Variants in KIF27 observed in about 807,000 individuals in gnomAD.
KIF27 encodes the protein kinesin family member 27.
A neutral mutation model predicts 141.8 loss-of-function variants in KIF27; 84 were observed. The ratio of observed to expected loss-of-function variants is 0.59; its 90% CI spans 0.50 to 0.71. The LOEUF is 0.71. KIF27 is among the 30% of genes least tolerant of loss of function. The pLI, the probability that KIF27 is intolerant of heterozygous loss-of-function variation, is 0.00. For missense variants in KIF27, 1,306 were observed against 1,628.4 expected (o/e 0.80, Z 3.41); for synonymous variants, 471 against 569.5 (o/e 0.83, Z 2.46).
At chr9:83,875,815 G>T (rs1189447196) in intron 11 of KIF27, among the ~76,000 whole-genome samples, 2 of 152,164 alleles carry the variant, frequency 1.3e-5, no homozygotes, top group Non-Finnish European at 2.9e-5. Context: ...TGTGAAGTGG[G>T]TGATAGAGCC....
chr9:83,869,713 C>T (rs574254579), intron 12 of KIF27, among the ~76,000 whole-genome samples: 62 of 151,944 alleles, frequency 4.1e-4, no homozygotes, highest in African/African-American at 1.5e-3. Flanking sequence ...GGTGACAGAG[C>T]GAGACTCTGT....
intron 1 of KIF27, among the ~76,000 whole-genome samples, chr9:83,918,222 C>G (rs1955887768): frequency 6.7e-6 from 1 of 149,844 alleles, no homozygotes; most frequent in African/African-American, 2.5e-5. Context: ...TTACAGTGAG[C>G]TGTATCTGCA....
chr9:83,873,083 T>C (rs1950927957), intron 11 of KIF27, among the ~76,000 whole-genome samples: 1 of 152,194 alleles, frequency 6.6e-6, no homozygotes, highest in African/African-American at 2.4e-5. Context: ...CTAGACAGAA[T>C]GCCTAGTAGC....
intron 1 of KIF27, among the ~76,000 whole-genome samples, chr9:83,917,782 T>C (rs1955843367): frequency 6.6e-6 from 1 of 152,170 alleles, no homozygotes; most frequent in South Asian, 2.1e-4. Flanking sequence ...CCTCATATCA[T>C]ATACAAAAGT....
chr9:83,885,554 C>T (rs1332614474), intron 9 of KIF27, among the ~76,000 whole-genome samples: 1 of 152,066 alleles, frequency 6.6e-6, no homozygotes, highest in Non-Finnish European at 1.5e-5. Flanking sequence ...TTTAACAAAT[C>T]ATTTTGGACT....
At chr9:83,915,197 A>G in intron 2 of KIF27, 97 bp downstream of exon 2, 4 of 925,568 alleles carry the variant, frequency 4.3e-6, no homozygotes, top group Non-Finnish European at 6.5e-6. Context: ...TCACTATTCA[A>G]TCAATATGCT....
intron 11 of KIF27, among the ~76,000 whole-genome samples, chr9:83,875,071 A>G (rs1448701278): frequency 2.0e-5 from 3 of 152,092 alleles, no homozygotes; most frequent in East Asian, 3.9e-4. Flanking sequence ...AGAGAGTGCT[A>G]TGTCTTGCTG....
intron 17 of KIF27, among the ~76,000 whole-genome samples, chr9:83,839,075 G>A (rs1946256894): frequency 6.6e-6 from 1 of 152,038 alleles, no homozygotes; most frequent in African/African-American, 2.4e-5. Flanking sequence ...TGGGAGGATT[G>A]CTCAAGCACA....
chr9:83,892,922 G>A (rs1952818037), intron 5 of KIF27, among the ~76,000 whole-genome samples: 2 of 152,288 alleles, frequency 1.3e-5, no homozygotes, highest in Middle Eastern at 3.4e-3. Context: ...GCACTTCAGG[G>A]AGAAATAAGA....
In KIF27 at chr9:83,834,497, G is replaced by C. The variant is rs2780130; in HGVS notation, c.*2504C>G. On this transcript the variant is annotated 3_prime_UTR_variant, in exon 18 of 18. Coordinates refer to ENST00000297814, the MANE Select transcript of KIF27 (RefSeq NM_017576.4). ...TTAGAAATCAACTCACAATTGCATAGTCAAACCTAATCATTGTTGTTTTGA... is the reference window on the plus strand; with the variant it reads ...TTAGAAATCAACTCACAATTGCATACTCAAACCTAATCATTGTTGTTTTGA... Among the ~76,000 whole-genome samples the C allele has an allele frequency of 6.6e-6, 1 of 152,036 alleles. No individual in the cohort carries two copies. The highest frequency in any genetic ancestry group is 1.9e-4 in the East Asian group (1 of 5,204).
intron 8 of KIF27, among the ~76,000 whole-genome samples, chr9:83,888,243 T>C (rs1428512010): frequency 6.6e-6 from 1 of 151,010 alleles, no homozygotes; most frequent in African/African-American, 2.4e-5. Flanking sequence ...ATAAAAATCC[T>C]TATTCTGAGG....
At chr9:83,844,922 C>A (rs999686934) in intron 16 of KIF27, among the ~76,000 whole-genome samples, 3 of 152,132 alleles carry the variant, frequency 2.0e-5, no homozygotes, top group Non-Finnish European at 2.9e-5. Flanking sequence ...CAGCACATTC[C>A]TCATTTGGGT....
At chr9:83,842,005 C>T (rs1424176551) in intron 17 of KIF27, among the ~76,000 whole-genome samples, 3 of 152,092 alleles carry the variant, frequency 2.0e-5, no homozygotes, top group Non-Finnish European at 4.4e-5. Flanking sequence ...TCTACAAGCC[C>T]CTGGCACATG....
intron 1 of KIF27, among the ~76,000 whole-genome samples, chr9:83,916,537 T>C (rs1419791656): frequency 6.6e-6 from 1 of 152,218 alleles, no homozygotes. Flanking sequence ...TTCTAAATAT[T>C]ATGTTGTACT....
At position 83,859,230 on chromosome 9, in the gene KIF27, C is replaced by T. The variant is rs1260831650; in HGVS notation, c.3076G>A (p.Glu1026Lys). The T allele has an allele frequency of 1.2e-6, 2 of 1,614,074 alleles. No homozygotes were observed. Among genetic ancestry groups the T allele is most frequent in the African/African-American group, 2.7e-5 (2 of 74,942 alleles). Residue 1026 changes from glutamate to lysine, a missense_variant, in exon 14 of 18, where the codon GAA becomes AAA. Transcript: ENST00000297814. ...ISEQVEVLQK[E>K]KDQLQKRRHN... Reference sequence around the variant, plus strand: ...CTGCGTTTCTGGAGCTGATCCTTTTCTTTCTGGAGGACTTCAACTTGTTCT... The same window carrying T: ...CTGCGTTTCTGGAGCTGATCCTTTTTTTTCTGGAGGACTTCAACTTGTTCT...
At chr9:83,879,090 A>C (rs1004043776) in intron 11 of KIF27, among the ~76,000 whole-genome samples, 2 of 151,436 alleles carry the variant, frequency 1.3e-5, no homozygotes, top group Admixed American at 1.3e-4. Flanking sequence ...AGGCAGGAGA[A>C]TCACTTGAAC....
Position 83,887,106 on chromosome 9 carries a change from T to C in KIF27, c.2174A>G (p.Lys725Arg), listed in dbSNP as rs769282175. Residue 725 changes from lysine to arginine, a missense_variant, in exon 9 of 18, where the codon AAA (lysine) becomes AGA (arginine). Coordinates refer to ENST00000297814, the MANE Select transcript of KIF27 (RefSeq NM_017576.4). ...SERILTEAKQ[K>R]MRELTINIKM... is the part of the protein sequence containing the mutation. ...GATGTTAATTGTAAGTTCTCTCATT[T>C]TTTGTTTAGCTTCAGTAAGTATGCG... The C allele has an allele frequency of 1.2e-6, 2 of 1,605,962 alleles. No homozygotes were observed. The highest frequency in any genetic ancestry group is 1.1e-5 in the South Asian group (1 of 88,876).
At chr9:83,885,384 T>C (rs1163828479) in intron 9 of KIF27, among the ~76,000 whole-genome samples, 1 of 152,156 alleles carries the variant, frequency 6.6e-6, no homozygotes, top group Non-Finnish European at 1.5e-5. Flanking sequence ...TGAGCCACCG[T>C]GCCCAGCCTA....
At position 83,837,099 on chromosome 9, in the gene KIF27, C is replaced by G; in HGVS notation, c.4108G>C (p.Glu1370Gln). 1 of 1,613,958 alleles carries G rather than the reference C, an allele frequency of 6.2e-7. No homozygotes were observed. ...AGACTGGAACGTCGCAATGATAGTT[C>G]CAAGGCGGAAATTTGACGTAATTCT... ...RKELRQISALELSLRRSSLGV... is the reference protein window; with the variant it reads ...RKELRQISALQLSLRRSSLGV... Residue 1370 changes from glutamate to glutamine, a missense_variant, in exon 18 of 18, where the codon GAA becomes CAA. Transcript: ENST00000297814.
Sources: allele counts gnomAD v4.1 joint callset (sites outside exome capture counted in the v4.1 genomes callset), GRCh38; gene constraint gnomAD v4.1.1; transcripts MANE v1.5; gene names NCBI Gene and HGNC (gene_info 2026-07-23, HGNC 2026-07-21).